The following ASXL2 variants were observed in gnomAD, a reference collection of about 807,000 sequenced individuals.
ASXL2 encodes the protein ASXL transcriptional regulator 2.
ASXL2 carries 23 observed loss-of-function variants against 122.0 expected under a neutral mutation model. The observed-to-expected ratio is 0.19, with a 90% CI of 0.14 to 0.27. The LOEUF is 0.27. Among genes scored for constraint, ASXL2 ranks in the 10% least tolerant of loss-of-function variants. The probability of loss-of-function intolerance (pLI) is 1.00; values close to 1 mark genes in which losing one functional copy is unlikely to be tolerated. For missense variants in ASXL2, 1,518 were observed against 1,713.8 expected, an observed-to-expected ratio of 0.89 and a Z score of 2.02; for synonymous variants, 650 against 637.0, an observed-to-expected ratio of 1.02 and a Z score of -0.31.
chr2:25,790,462 T>A (rs2088814305), intron 5 of ASXL2, among the ~76,000 whole-genome samples: 1 of 151,884 alleles, frequency 6.6e-6, no homozygotes, highest in Non-Finnish European at 1.5e-5. Flanking sequence ...AAAGCTTTAT[T>A]TTAACTATAT....
At chr2:25,754,365 C>T (rs1198493483) in intron 10 of ASXL2, among the ~76,000 whole-genome samples, 1 of 152,162 alleles carries the variant, frequency 6.6e-6, no homozygotes, top group Non-Finnish European at 1.5e-5. Context: ...CTCTTTTATA[C>T]TCTAATACCC....
intron 5 of ASXL2, among the ~76,000 whole-genome samples, chr2:25,781,041 G>A (rs2088626005): frequency 2.1e-5 from 3 of 140,218 alleles, no homozygotes; most frequent in Non-Finnish European, 4.5e-5. Flanking sequence ...CCGAGATCAT[G>A]CCACTGCACT....
intron 10 of ASXL2, among the ~76,000 whole-genome samples, chr2:25,754,906 C>T (rs1444293889): frequency 6.6e-6 from 1 of 151,948 alleles, no homozygotes. Flanking sequence ...CAAGAGATCC[C>T]TTCTACATAG....
intron 1 of ASXL2, chr2:25,856,791 T>C (rs2089784619): frequency 7.9e-7 from 1 of 1,269,916 alleles, no homozygotes; most frequent in Non-Finnish European, 1.1e-6. Flanking sequence ...GGCAATCCTC[T>C]TGGGGTTGGT....
At chr2:25,840,924 A>C (rs1002973967) in intron 2 of ASXL2, among the ~76,000 whole-genome samples, 5 of 152,240 alleles carry the variant, frequency 3.3e-5, no homozygotes, top group African/African-American at 1.2e-4. Context: ...AGGAATGAAA[A>C]TAAAACAGTA....
intron 3 of ASXL2, chr2:25,810,145 C>T (rs1158656539): frequency 3.6e-6 from 2 of 561,136 alleles, no homozygotes; most frequent in Non-Finnish European, 7.0e-6. Flanking sequence ...TACTTTTCTT[C>T]AGCATCACTC....
chr2:25,750,556 A>T (rs2088027731), intron 11 of ASXL2, 143 bp from the exon 12 acceptor site: 1 of 747,436 alleles, frequency 1.3e-6, no homozygotes, highest in South Asian at 2.1e-5. Flanking sequence ...CACTATTAGT[A>T]GTAGTGAAAG....
At chr2:25,852,741 C>T (rs949638397) in intron 1 of ASXL2, among the ~76,000 whole-genome samples, 2 of 152,176 alleles carry the variant, frequency 1.3e-5, no homozygotes, top group African/African-American at 4.8e-5. Context: ...GAAAACACTG[C>T]TGTTTCAGAA....
At chr2:25,845,289 A>G (rs1393654175) in intron 2 of ASXL2, 192 bp downstream of exon 2, 20 of 972,552 alleles carry the variant, frequency 2.1e-5, no homozygotes, top group Non-Finnish European at 3.1e-5. Context: ...TGGTTTTAAA[A>G]CCTTCTGGTT....
intron 8 of ASXL2, among the ~76,000 whole-genome samples, chr2:25,766,797 G>A (rs756726801): frequency 1.3e-5 from 2 of 152,148 alleles, no homozygotes; most frequent in Non-Finnish European, 2.9e-5. Context: ...TGATATCCCT[G>A]AATGTGGAGT....
At chr2:25,834,151 A>C (rs2089483016) in intron 3 of ASXL2, among the ~76,000 whole-genome samples, 1 of 152,086 alleles carries the variant, frequency 6.6e-6, no homozygotes, top group Non-Finnish European at 1.5e-5. Flanking sequence ...TCAGGAAGTC[A>C]AGACCAGCCT....
rs1343726312 is a variant in ASXL2 at position 25,735,889 on chromosome 2, A to C, written c.*6140T>G. ...GCCACTACTGTGTCCAGTGTCTCAA[A>C]CACTTCCATTTCATAACTCATTTAA... is the stretch of plus-strand genomic sequence containing the variant. On this transcript the variant is annotated 3_prime_UTR_variant, in exon 13 of 13. Coordinates refer to ENST00000435504, the MANE Select transcript of ASXL2 (RefSeq NM_018263.6). The C allele has an allele frequency of 6.6e-6, 1 of 152,170 alleles. No homozygotes were observed. The allele number at this position is 152,170 out of a possible 1,614,324, so 9.4% of individuals were successfully genotyped here.
intron 8 of ASXL2, among the ~76,000 whole-genome samples, chr2:25,761,342 C>T (rs986232742): frequency 6.6e-6 from 1 of 152,018 alleles, no homozygotes; most frequent in Non-Finnish European, 1.5e-5. Context: ...AAGAGAATAA[C>T]TTGAAAGCAT....
chr2:25,772,549 T>C (rs2088473125), intron 5 of ASXL2, among the ~76,000 whole-genome samples: 1 of 151,912 alleles, frequency 6.6e-6, no homozygotes, highest in Non-Finnish European at 1.5e-5. Flanking sequence ...CTGACCAACA[T>C]GGAGAAACCC....
intron 1 of ASXL2, among the ~76,000 whole-genome samples, chr2:25,876,571 A>G (rs1197314462): frequency 6.6e-6 from 1 of 152,204 alleles, no homozygotes; most frequent in Non-Finnish European, 1.5e-5. Flanking sequence ...ATTAGCATAA[A>G]TTAGGGTCCA....
rs114832602 is a variant in ASXL2, at chr2:25,830,957, C to G, written c.143+4581G>C. On this transcript the variant is annotated intron_variant, in intron 3 of 12. Transcript: ENST00000435504. ...ATCTCAAGGCATTGTGAGATAACAACAGAAGATTCAACATTCATATCATCA... is the reference window on the plus strand; with the variant it reads ...ATCTCAAGGCATTGTGAGATAACAAGAGAAGATTCAACATTCATATCATCA... 1.5e-3 allele frequency: 226 copies of G among 152,216 alleles called. 1 individual carries two copies. The highest frequency in any genetic ancestry group is 5.2e-3 in the African/African-American group (217 of 41,532). 9.4% of individuals were successfully genotyped at this position (152,216 alleles called of 1,614,324 possible).
chr2:25,871,059 T>C (rs1407649368), intron 1 of ASXL2, among the ~76,000 whole-genome samples: 1 of 152,102 alleles, frequency 6.6e-6, no homozygotes, highest in East Asian at 1.9e-4. Context: ...ATATTTAGAG[T>C]TCTAAAATTT....
chr2:25,859,103 C>T (rs963153929), intron 1 of ASXL2, among the ~76,000 whole-genome samples: 5 of 151,922 alleles, frequency 3.3e-5, no homozygotes, highest in African/African-American at 1.2e-4. Flanking sequence ...GTGTGAGCCA[C>T]CACGCCTGGC....
At chr2:25,790,315 G>A (rs1181354747) in intron 5 of ASXL2, among the ~76,000 whole-genome samples, 1 of 147,166 alleles carries the variant, frequency 6.8e-6, no homozygotes, top group African/African-American at 2.5e-5. Flanking sequence ...AGTCGCAGTT[G>A]CGGGGTGGGG....
Sources: allele counts gnomAD v4.1 joint callset (sites outside exome capture counted in the v4.1 genomes callset), GRCh38; gene constraint gnomAD v4.1.1; transcripts MANE v1.5; gene names NCBI Gene and HGNC (gene_info 2026-07-23, HGNC 2026-07-21).